The following SPG7 variants were observed in gnomAD, a reference collection of about 807,000 sequenced individuals.
The protein encoded by SPG7 is SPG7 matrix AAA peptidase subunit, paraplegin.
In SPG7, 103 loss-of-function variants were observed where a neutral mutation model predicts 81.9. That is an observed-to-expected ratio of 1.26 (90% CI 1.07 to 1.48). The LOEUF (loss-of-function observed/expected upper bound fraction) is 1.48. SPG7 is among the 40% of genes most tolerant of loss of function. SPG7 has a pLI of 0.00. For synonymous variants in SPG7, 534 were observed against 444.2 expected, an observed-to-expected ratio of 1.20 and a Z score of -2.54; for missense variants, 1,241 against 1,087.3, an observed-to-expected ratio of 1.14 and a Z score of -1.99.
intron 5 of SPG7, among the ~76,000 whole-genome samples, chr16:89,527,588 G>A (rs1184807543): frequency 6.6e-6 from 1 of 152,218 alleles, no homozygotes; most frequent in Non-Finnish European, 1.5e-5. Context: ...AATGGAACGG[G>A]AAAAGGGTAG....
intron 11 of SPG7, chr16:89,547,518 G>A (rs2058578699): frequency 9.2e-6 from 2 of 216,370 alleles, no homozygotes; most frequent in Non-Finnish European, 9.4e-6. Context: ...CCCCAGCTCT[G>A]CTCCTGGCGC....
intron 9 of SPG7, chr16:89,540,607 A>AT (rs1305460955): frequency 6.5e-6 from 1 of 153,034 alleles, no homozygotes; most frequent in Non-Finnish European, 1.5e-5. Context: ...AAAACTCAAA[A>AT]AACAGTGACA....
Position 89,556,976 on chromosome 16 carries a change from G to A in SPG7, c.2271G>A (p.Met757Ile), listed in dbSNP as rs1320393672. 5.0e-6 allele frequency: 8 copies of A among 1,614,072 alleles called. No individual in the cohort carries two copies. Among genetic ancestry groups the A allele is most frequent in the Non-Finnish European group, 6.8e-6 (8 of 1,180,032 alleles). The part of the protein sequence containing the change: ...IGPPPHGPKK[M>I]IAPQRWIDAQ... ...CGCCGCCCCATGGGCCGAAGAAAAT[G>A]ATCGCACCGCAGAGGTGGATCGACG... The change falls in exon 17 of 17, where the codon ATG (methionine) becomes ATA (isoleucine). Residue 757 changes from methionine to isoleucine, a missense_variant. By Grantham distance (10) the Met-to-Ile change is conservative (BLOSUM62 1). Coordinates refer to ENST00000645818, the MANE Select transcript of SPG7 (RefSeq NM_003119.4).
chr16:89,548,836 G>C, intron 12 of SPG7: 1 of 426,624 alleles, frequency 2.3e-6, no homozygotes, highest in Admixed American at 2.4e-5. Context: ...GTCAGTGTGA[G>C]ACAGGTTGAA....
chr16:89,508,521 C>T lies in SPG7; in HGVS notation c.104C>T (p.Ala35Val), dbSNP rs1011777245. ...PGPAWSPGFP[A>V]RPGRGRPYMA... ...CCGGCCTGGAGTCCAGGGTTCCCCG[C>T]CAGGCCCGGGAGGGGGCGGCCGTAC... The change falls in exon 1 of 17, where the codon GCC becomes GTC. Residue 35 changes from alanine (A) to valine (V), a missense_variant. Coordinates refer to ENST00000645818, the MANE Select transcript of SPG7 (RefSeq NM_003119.4). 21 of 1,514,786 alleles carry T rather than the reference C, an allele frequency of 1.4e-5. No individual in the cohort carries two copies. The African/African-American group carries it at 2.9e-4, about 21-fold the overall frequency. The allele number at this position is 1,514,786 out of a possible 1,614,324, so 93.8% of individuals were successfully genotyped here.
At chr16:89,516,370 C>G (rs962249387) in intron 3 of SPG7, among the ~76,000 whole-genome samples, 6 of 151,254 alleles carry the variant, frequency 4.0e-5, no homozygotes, top group African/African-American at 1.5e-4. Context: ...GGTGAAACCC[C>G]TTGTCTACTA....
intron 11 of SPG7, 182 bp downstream of exon 11, chr16:89,546,942 ACC>A (rs2152409975): frequency 1.6e-6 from 1 of 618,396 alleles, no homozygotes; most frequent in East Asian, 2.9e-5. Flanking sequence ...TCCAGACGGC[ACC>A]CGCACTCCGT....
At chr16:89,527,963 A>G (rs539182082) in intron 5 of SPG7, among the ~76,000 whole-genome samples, 4 of 151,874 alleles carry the variant, frequency 2.6e-5, no homozygotes, top group South Asian at 2.1e-4. Context: ...CTTTAATTCT[A>G]TAACCCAGCA....
At chr16:89,550,436 G>A in intron 12 of SPG7, 58 bp from the exon 13 acceptor site, 2 of 1,259,964 alleles carry the variant, frequency 1.6e-6, no homozygotes, top group Non-Finnish European at 2.3e-6. Flanking sequence ...GCCTCCCACA[G>A]CGCTGGGATT....
chr16:89,510,535 G>T lies in SPG7; in HGVS notation c.229G>T (p.Gly77Ter). 1 of 1,611,560 alleles carries T rather than the reference G, an allele frequency of 6.2e-7. No homozygotes were observed. The change falls in exon 2 of 17, where the codon GGA becomes TGA. Residue 77 changes from glycine to a stop codon, truncating the protein, a stop_gained. Coordinates refer to ENST00000645818, the MANE Select transcript of SPG7 (RefSeq NM_003119.4). LOFTEE classifies it high-confidence loss of function. ...LLTPTFEGIN[G>*]LLLKQHLVQN... ...AACCCCTACCTTTGAAGGGATCAAC[G>T]GATTGTTGTTGAAACAACATTTAGT...
chr16:89,511,975 G>A (rs1056568552), intron 2 of SPG7, among the ~76,000 whole-genome samples: 5 of 151,978 alleles, frequency 3.3e-5, no homozygotes, highest in African/African-American at 4.8e-5. Context: ...GCAGTGGCGC[G>A]ATCTCCGCTC....
intron 2 of SPG7, among the ~76,000 whole-genome samples, chr16:89,511,282 C>A (rs547208332): frequency 1.3e-5 from 2 of 152,286 alleles, no homozygotes; most frequent in East Asian, 3.9e-4. Flanking sequence ...CACACAATCA[C>A]TAAAAATACC....
At chr16:89,514,929 CT>C (rs1183898666) in intron 3 of SPG7, among the ~76,000 whole-genome samples, 3 of 144,612 alleles carry the variant, frequency 2.1e-5, no homozygotes, top group African/African-American at 7.6e-5. Flanking sequence ...CGTGCCTGGC[CT>C]TGACCTTTTT....
chr16:89,546,524 A>G (rs2058565335), intron 10 of SPG7, 134 bp from the exon 11 acceptor site: 3 of 768,780 alleles, frequency 3.9e-6, no homozygotes, highest in Admixed American at 3.5e-5. Flanking sequence ...CTAAAAATAC[A>G]AAACTCAGGC....
intron 12 of SPG7, 158 bp from the exon 13 acceptor site, chr16:89,550,336 C>G (rs559452862): frequency 9.9e-5 from 64 of 648,148 alleles, no homozygotes; most frequent in Admixed American, 3.2e-4. Context: ...TCACACCTAG[C>G]TAATTTTTCT....
At chr16:89,510,362 T>C (rs1018697380) in intron 1 of SPG7, 128 bp from the exon 2 acceptor site, 2 of 674,262 alleles carry the variant, frequency 3.0e-6, no homozygotes, top group African/African-American at 3.6e-5. Flanking sequence ...TTACTTTATA[T>C]TTCAGGGCAA....
intron 5 of SPG7, chr16:89,528,603 CTTTTTT>C (rs199905330): frequency 1.8e-5 from 2 of 113,558 alleles, no homozygotes; most frequent in Non-Finnish European, 3.7e-5. Flanking sequence ...CTGGGATTTG[CTTTTTT>C]TTTTTTTTTT....
At chr16:89,548,269 C>A (rs922783858) in intron 12 of SPG7, 156 bp downstream of exon 12, 2 of 618,796 alleles carry the variant, frequency 3.2e-6, no homozygotes, top group South Asian at 1.8e-5. Context: ...CTTTATGATA[C>A]CTTGTACTTT....
intron 1 of SPG7, 94 bp downstream of exon 1, chr16:89,508,694 G>C (rs1253102218): frequency 3.9e-6 from 5 of 1,271,316 alleles, no homozygotes; most frequent in Non-Finnish European, 5.4e-6. Flanking sequence ...CCTGGCCCCT[G>C]CGGCGGGGGA....
Sources: allele counts gnomAD v4.1 joint callset (sites outside exome capture counted in the v4.1 genomes callset), GRCh38; gene constraint gnomAD v4.1.1; transcripts MANE v1.5; gene names NCBI Gene and HGNC (gene_info 2026-07-23, HGNC 2026-07-21).